The following SORCS2 variants were observed in gnomAD, a reference collection of about 807,000 sequenced individuals.
SORCS2 encodes sortilin related VPS10 domain containing receptor 2.
Under a neutral mutation model 141.6 loss-of-function variants are expected in SORCS2, and 100 were observed. The observed-to-expected ratio is 0.71, with a 90% CI of 0.60 to 0.83. SORCS2 has a LOEUF of 0.83. Among genes scored for constraint, SORCS2 ranks in the 40% least tolerant of loss-of-function variants. The pLI is 0.00. For missense variants in SORCS2, 1,646 were observed against 1,560.2 expected, an observed-to-expected ratio of 1.05 and a Z score of -0.93; for synonymous variants, 789 against 676.9, an observed-to-expected ratio of 1.17 and a Z score of -2.57.
intron 18 of SORCS2, among the ~76,000 whole-genome samples, chr4:7,722,788 AAGTT>A (rs1385904914): frequency 6.6e-6 from 1 of 152,228 alleles, no homozygotes; most frequent in Non-Finnish European, 1.5e-5. Context: ...TCTGTGGAGA[AAGTT>A]AAGTGAACAG....
At chr4:7,721,103 T>A (rs1391742384) in intron 18 of SORCS2, among the ~76,000 whole-genome samples, 1 of 152,208 alleles carries the variant, frequency 6.6e-6, no homozygotes, top group Non-Finnish European at 1.5e-5. Context: ...CTGCAGTGGG[T>A]GAATGCACAG....
intron 1 of SORCS2, among the ~76,000 whole-genome samples, chr4:7,267,029 G>A (rs1032417341): frequency 3.9e-5 from 6 of 152,120 alleles, no homozygotes; most frequent in African/African-American, 1.4e-4. Flanking sequence ...CCCTCTGAAC[G>A]CAGGCTGCTA....
At chr4:7,241,454 G>A (rs1712692051) in intron 1 of SORCS2, among the ~76,000 whole-genome samples, 1 of 152,160 alleles carries the variant, frequency 6.6e-6, no homozygotes. Flanking sequence ...TCACCTGGAC[G>A]TGGAATGAGG....
At chr4:7,423,486 C>G (rs1448592978) in intron 2 of SORCS2, among the ~76,000 whole-genome samples, 2 of 152,118 alleles carry the variant, frequency 1.3e-5, no homozygotes, top group Admixed American at 6.5e-5. Flanking sequence ...ATGCTTATAA[C>G]TCACTGGAGG....
At chr4:7,466,477 A>G (rs750281741) in intron 2 of SORCS2, among the ~76,000 whole-genome samples, 38 of 152,176 alleles carry the variant, frequency 2.5e-4, no homozygotes, top group Non-Finnish European at 5.0e-4. Flanking sequence ...CATGGAGAGA[A>G]GCAGTTTAAT....
At chr4:7,324,638 G>A (rs545823179) in intron 1 of SORCS2, among the ~76,000 whole-genome samples, 1 of 152,198 alleles carries the variant, frequency 6.6e-6, no homozygotes, top group Non-Finnish European at 1.5e-5. Context: ...GCTGCAGCCT[G>A]GGCCACCAGG....
intron 11 of SORCS2, among the ~76,000 whole-genome samples, chr4:7,693,519 C>G (rs1039879218): frequency 5.9e-5 from 9 of 152,234 alleles, no homozygotes; most frequent in African/African-American, 1.9e-4. Context: ...GATTATGGAG[C>G]CTGCTCCCTG....
At chr4:7,281,064 C>T (rs1738211711) in intron 1 of SORCS2, among the ~76,000 whole-genome samples, 1 of 152,170 alleles carries the variant, frequency 6.6e-6, no homozygotes, top group African/African-American at 2.4e-5. Context: ...ACGTGCCCTG[C>T]CCACGGTATC....
Position 7,511,565 on chromosome 4 carries a change from A to G in SORCS2, c.549-19965A>G, listed in dbSNP as rs989647980. On this transcript the variant is annotated intron_variant, in intron 2 of 26. Coordinates refer to ENST00000507866, the MANE Select transcript of SORCS2 (RefSeq NM_020777.3). ...GACAGAAGGCCCAGGGGTTGAAGAG[A>G]GAGTGAGCCTGGGGTGGGGGCAGAG... 2.0e-5 allele frequency among the ~76,000 whole-genome samples: 3 copies of G among 151,786 alleles called. No individual in the cohort carries two copies. In the East Asian group the frequency reaches 5.8e-4, roughly 29 times the overall value.
chr4:7,643,894 C>T (rs59481259), intron 4 of SORCS2, among the ~76,000 whole-genome samples: 1 of 152,148 alleles, frequency 6.6e-6, no homozygotes, highest in Non-Finnish European at 1.5e-5. Flanking sequence ...TCGCTCTGAC[C>T]TCAGACTTGA....
chr4:7,735,253 A>T (rs1308351969), intron 25 of SORCS2: 1 of 153,206 alleles, frequency 6.5e-6, no homozygotes, highest in Non-Finnish European at 1.5e-5. Flanking sequence ...CAAATGCCAC[A>T]GCTCACCCCT....
intron 1 of SORCS2, among the ~76,000 whole-genome samples, chr4:7,359,096 G>A (rs1721431189): frequency 6.6e-6 from 1 of 152,222 alleles, no homozygotes; most frequent in Admixed American, 6.5e-5. Flanking sequence ...AGGAGTTCAA[G>A]ACCAGCCTGG....
chr4:7,305,927 A>G (rs1717794719), intron 1 of SORCS2, among the ~76,000 whole-genome samples: 1 of 152,200 alleles, frequency 6.6e-6, no homozygotes, highest in Admixed American at 6.5e-5. Context: ...CGGAGGGGTG[A>G]GGCTGGGGGC....
At chr4:7,510,322 C>G (rs1464516010) in intron 2 of SORCS2, among the ~76,000 whole-genome samples, 1 of 152,220 alleles carries the variant, frequency 6.6e-6, no homozygotes, top group East Asian at 1.9e-4. Context: ...GCGCCCTGCC[C>G]TCCCCAGCTG....
At position 7,740,807 on chromosome 4, in the gene SORCS2, A is replaced by C; in HGVS notation, c.*543A>C. On this transcript the variant is annotated 3_prime_UTR_variant, in exon 27 of 27. Transcript: ENST00000507866. The stretch of plus-strand genomic sequence containing the variant: ...CAGGCCCCCCTGCCCTCCGGCTGGA[A>C]ACTGCAGCTCTGTAAATGCCTCTCT... 1 of 371,218 alleles carries C rather than the reference A, an allele frequency of 2.7e-6. No individual in the cohort carries two copies. Among genetic ancestry groups the C allele is most frequent in the East Asian group, 3.9e-5 (1 of 25,378 alleles). The allele number at this position is 371,218 out of a possible 1,614,324, so 23.0% of individuals were successfully genotyped here.
rs912253610 is a variant in SORCS2, at chr4:7,657,317, A to C, written c.887+3110A>C. Among the ~76,000 whole-genome samples, 3 of 152,280 alleles carry C rather than the reference A, an allele frequency of 2.0e-5. No homozygotes were observed. In the South Asian group the frequency reaches 6.2e-4, roughly 31 times the overall value. ...AGTTAGGTAATGAATGAATGAGTGAATAAATGAGTGAATGAGTAGGTGAGT... is the reference window on the plus strand; with the variant it reads ...AGTTAGGTAATGAATGAATGAGTGACTAAATGAGTGAATGAGTAGGTGAGT... On this transcript the variant is annotated intron_variant, in intron 5 of 26. Coordinates refer to ENST00000507866, the MANE Select transcript of SORCS2 (RefSeq NM_020777.3).
chr4:7,271,793 C>A (rs141145053), intron 1 of SORCS2, among the ~76,000 whole-genome samples: 3 of 152,232 alleles, frequency 2.0e-5, no homozygotes, highest in African/African-American at 7.2e-5. Context: ...TGGAGAAGAG[C>A]TGCAAGTACG....
chr4:7,418,175 C>T (rs1195522427), intron 2 of SORCS2, among the ~76,000 whole-genome samples: 1 of 152,148 alleles, frequency 6.6e-6, no homozygotes. Flanking sequence ...TTCAGGTGTA[C>T]CCTAGACTCC....
chr4:7,728,735 G>C (rs1727397766), intron 22 of SORCS2, among the ~76,000 whole-genome samples: 1 of 152,226 alleles, frequency 6.6e-6, no homozygotes, highest in Non-Finnish European at 1.5e-5. Flanking sequence ...ACCACCTGCT[G>C]TTTGCAGGAG....
Sources: allele counts gnomAD v4.1 joint callset (sites outside exome capture counted in the v4.1 genomes callset), GRCh38; gene constraint gnomAD v4.1.1; transcripts MANE v1.5; gene names NCBI Gene and HGNC (gene_info 2026-07-23, HGNC 2026-07-21).